Variants in KIAA0753 observed in about 807,000 individuals in gnomAD.
KIAA0753 encodes KIAA0753, also known as protein moonraker.
Under a neutral mutation model 116.9 loss-of-function variants are expected in KIAA0753, and 114 were observed. The observed-to-expected ratio is 0.98, with a 90% CI of 0.84 to 1.14. The LOEUF (loss-of-function observed/expected upper bound fraction) is 1.14. Ranked by LOEUF, KIAA0753 falls within the 50% of genes most tolerant of loss-of-function variation. The pLI is 0.00. For missense variants in KIAA0753, 1,156 were observed against 1,172.4 expected (o/e 0.99, Z 0.20); for synonymous variants, 405 against 413.1 (o/e 0.98, Z 0.24).
Position 6,638,417 on chromosome 17 carries a change from T to C in KIAA0753, c.-69+2220A>G, listed in dbSNP as rs544511082. 1.6e-3 allele frequency: 249 copies of C among 153,198 alleles called. 2 individuals are homozygous for C. The highest frequency in any genetic ancestry group is 0.01 in the Middle Eastern group (3 of 296). 9.5% of individuals were successfully genotyped at this position (153,198 alleles called of 1,614,324 possible). ...ACCTTTCCAGAGCCGGGCACACCCA[T>C]TGCCATGAGGACCCCTGCTGCGGCA... On this transcript the variant is annotated intron_variant, in intron 1 of 18. Transcript: ENST00000361413.
intron 4 of KIAA0753, 59 bp downstream of exon 4, chr17:6,624,696 C>T (rs559751846): frequency 9.1e-7 from 1 of 1,096,284 alleles, no homozygotes; most frequent in Admixed American, 2.1e-5. Context: ...AAAACAGAAA[C>T]TCTCTAAGGA....
chr17:6,631,307 T>G (rs967529981), intron 2 of KIAA0753, among the ~76,000 whole-genome samples: 1 of 152,244 alleles, frequency 6.6e-6, no homozygotes, highest in African/African-American at 2.4e-5. Flanking sequence ...TAAAGACAGA[T>G]GTACTCTAAA....
chr17:6,625,895 T>G (rs1188281113), intron 3 of KIAA0753, among the ~76,000 whole-genome samples: 3 of 152,030 alleles, frequency 2.0e-5, no homozygotes, highest in African/African-American at 7.2e-5. Flanking sequence ...AGAGACAAGG[T>G]TTTGGCCTGT....
intron 6 of KIAA0753, among the ~76,000 whole-genome samples, chr17:6,621,650 C>T (rs966068486): frequency 5.5e-4 from 84 of 152,158 alleles, no homozygotes; most frequent in African/African-American, 2.0e-3. Context: ...AAAAATAACA[C>T]ATTTCTTGCA....
In KIAA0753 at chr17:6,625,680, T is replaced by TA. The variant is rs55867207; in HGVS notation, c.719-820dup. On this transcript the variant is annotated intron_variant, in intron 3 of 18. Transcript: ENST00000361413. The stretch of plus-strand genomic sequence containing the variant: ...AGACTGTCTTAAAAAAGAGAAGAAT[T>TA]AAAAAAAAGAGAGAGAGACATTAAG... Among the ~76,000 whole-genome samples, 10 of 151,478 alleles carry TA rather than the reference T, an allele frequency of 6.6e-5. No homozygotes were observed. The East Asian group carries it at 7.8e-4, about 12-fold the overall frequency.
rs551457235 is a variant in KIAA0753 at position 6,623,380 on chromosome 17, C to G, written c.888+129G>C. On this transcript the variant is annotated intron_variant, in intron 5 of 18. Transcript: ENST00000361413. ...ATATTCAGAATATGTAAGGTGCTCA[C>G]TCCCTCACTAACAGGTTTCTGCAAG... is the stretch of plus-strand genomic sequence containing the variant. 1.2e-5 allele frequency: 9 copies of G among 747,964 alleles called. No homozygotes were observed. The Admixed American group carries it at 2.6e-4, about 22-fold the overall frequency. The allele number at this position is 747,964 out of a possible 1,614,324, so 46.3% of individuals were successfully genotyped here. A position where few individuals can be genotyped will look rare whatever the true frequency, so the allele number is the denominator to read the frequency against.
chr17:6,594,824 T>C, intron 16 of KIAA0753, 148 bp downstream of exon 16: 3 of 650,656 alleles, frequency 4.6e-6, no homozygotes, highest in Non-Finnish European at 8.2e-6. Flanking sequence ...GAGGGATAAA[T>C]AGGTGACAAA....
At chr17:6,591,105 A>AAGAAGG in intron 16 of KIAA0753, among the ~76,000 whole-genome samples, 2 of 149,770 alleles carry the variant, frequency 1.3e-5, no homozygotes, top group Non-Finnish European at 3.0e-5. Flanking sequence ...GAAGAAGAAG[A>AAGAAGG]AGAAAACACT....
rs537186495 is a variant in KIAA0753 at position 6,623,756 on chromosome 17, T to C, written c.826-185A>G. The C allele has an allele frequency of 2.2e-4, 163 of 732,498 alleles. 2 individuals are homozygous for C. The South Asian group carries it at 2.6e-3, about 12-fold the overall frequency. The allele number at this position is 732,498 out of a possible 1,614,324, so 45.4% of individuals were successfully genotyped here. A position where few individuals can be genotyped will look rare whatever the true frequency, so the allele number is the denominator to read the frequency against. ...ACAGTTACTGGTTTCCAGTTCAAGA[T>C]AGTGAATAGGCAGTGTTCACCTTCC... On this transcript the variant is annotated intron_variant, in intron 4 of 18. Coordinates refer to ENST00000361413, the MANE Select transcript of KIAA0753 (RefSeq NM_014804.3).
intron 3 of KIAA0753, among the ~76,000 whole-genome samples, chr17:6,627,580 A>G (rs1205829563): frequency 6.6e-6 from 1 of 152,158 alleles, no homozygotes; most frequent in Non-Finnish European, 1.5e-5. Flanking sequence ...ACACTGCAGA[A>G]CTGTAGAAAA....
At chr17:6,635,220 A>G in intron 1 of KIAA0753, 49 bp from the exon 2 acceptor site, 1 of 731,238 alleles carries the variant, frequency 1.4e-6, no homozygotes, top group Non-Finnish European at 2.4e-6. Flanking sequence ...AACAAGGGAA[A>G]AGAACAGATA....
At chr17:6,632,861 A>G (rs535346187) in intron 2 of KIAA0753, among the ~76,000 whole-genome samples, 135 of 152,236 alleles carry the variant, frequency 8.9e-4, no homozygotes, top group Non-Finnish European at 8.5e-4. Context: ...ATATTCTTAA[A>G]AAAAATCAAT....
chr17:6,630,160 A>G (rs1188360390), intron 2 of KIAA0753, among the ~76,000 whole-genome samples: 1 of 151,792 alleles, frequency 6.6e-6, no homozygotes, highest in Non-Finnish European at 1.5e-5. Context: ...ATTGAAGTAT[A>G]AAAAGATCAA....
At chr17:6,593,188 C>A (rs988731952) in intron 16 of KIAA0753, among the ~76,000 whole-genome samples, 5 of 152,164 alleles carry the variant, frequency 3.3e-5, no homozygotes, top group African/African-American at 1.2e-4. Context: ...CAAAAAAAAA[C>A]TGACAAAAGA....
intron 2 of KIAA0753, among the ~76,000 whole-genome samples, chr17:6,632,200 C>A (rs1285938886): frequency 6.6e-6 from 1 of 152,132 alleles, no homozygotes; most frequent in Non-Finnish European, 1.5e-5. Context: ...CAACGCCCAG[C>A]CTTGGAGTGT....
intron 18 of KIAA0753, among the ~76,000 whole-genome samples, chr17:6,584,942 C>G (rs1968455787): frequency 6.6e-6 from 1 of 151,894 alleles, no homozygotes; most frequent in Non-Finnish European, 1.5e-5. Context: ...ACTGGGACTA[C>G]AGGCATGTAC....
chr17:6,611,462 G>A (rs1970540751), intron 8 of KIAA0753, among the ~76,000 whole-genome samples: 1 of 151,880 alleles, frequency 6.6e-6, no homozygotes, highest in Non-Finnish European at 1.5e-5. Flanking sequence ...TACCACATCT[G>A]GCTAATTTTG....
At chr17:6,629,107 C>T (rs571172830) in intron 2 of KIAA0753, among the ~76,000 whole-genome samples, 2 of 152,306 alleles carry the variant, frequency 1.3e-5, no homozygotes, top group African/African-American at 4.8e-5. Flanking sequence ...CCAATATAAC[C>T]CATTGAAGCT....
chr17:6,616,817 C>T (rs1420643652), intron 7 of KIAA0753, among the ~76,000 whole-genome samples: 1 of 152,182 alleles, frequency 6.6e-6, no homozygotes, highest in Non-Finnish European at 1.5e-5. Flanking sequence ...CAAAGCAAGA[C>T]TACGTCTCAA....
Sources: gnomAD v4.1 joint callset for allele counts (sites outside exome capture counted in the v4.1 genomes callset) on GRCh38, gnomAD v4.1.1 for gene constraint, MANE v1.5 for transcripts, NCBI Gene and HGNC (gene_info 2026-07-23, HGNC 2026-07-21) for gene names.